Variants in SLC8A1 observed in about 807,000 individuals in gnomAD.
SLC8A1 encodes solute carrier family 8 member A1, also known as sodium/calcium exchanger 1.
SLC8A1 carries 18 observed loss-of-function variants against 68.3 expected under a neutral mutation model. The ratio of observed to expected loss-of-function variants is 0.26; its 90% confidence interval spans 0.18 to 0.39. SLC8A1 has a LOEUF of 0.39. Among genes scored for constraint, SLC8A1 ranks in the 10% least tolerant of loss-of-function variants. The pLI is 1.00. For synonymous variants in SLC8A1, 475 were observed against 415.5 expected, an observed-to-expected ratio of 1.14 and a Z score of -1.74; for missense variants, 985 against 1,156.7, an observed-to-expected ratio of 0.85 and a Z score of 2.15.
rs116180624 is a variant in SLC8A1 at position 40,476,430 on chromosome 2, T to C, written c.-25+35919A>G. Among the ~76,000 whole-genome samples, 515 of 152,322 alleles carry C rather than the reference T, an allele frequency of 3.4e-3. 2 individuals are homozygous for C. The highest frequency in any genetic ancestry group is 0.011 in the African/African-American group (444 of 41,556). ...GAAAGACTGAAAATAAACAAAGATATATTTCTAATGTTAGATACTAATAAA... is the reference window on the plus strand; with the variant it reads ...GAAAGACTGAAAATAAACAAAGATACATTTCTAATGTTAGATACTAATAAA... On this transcript the variant is annotated intron_variant, in intron 1 of 7. Transcript: ENST00000402441.
chr2:40,459,862 A>AAC (rs1238514362), intron 1 of SLC8A1, among the ~76,000 whole-genome samples: 2 of 151,962 alleles, frequency 1.3e-5, no homozygotes, highest in Admixed American at 6.6e-5. Flanking sequence ...TACTATACAC[A>AAC]ACACACACAC....
chr2:40,254,183 T>A (rs1470658803), intron 2 of SLC8A1, among the ~76,000 whole-genome samples: 1 of 114,580 alleles, frequency 8.7e-6, no homozygotes, highest in Admixed American at 1.0e-4. Context: ...AAAATTAATA[T>A]AAAAAAAGAA....
chr2:40,127,106 A>G (rs1040412991), intron 7 of SLC8A1, among the ~76,000 whole-genome samples: 5 of 152,210 alleles, frequency 3.3e-5, no homozygotes, highest in African/African-American at 1.2e-4. Flanking sequence ...ACATTGCTTC[A>G]GAGACTCAGT....
chr2:40,308,529 T>C lies in SLC8A1; in HGVS notation c.1808+119944A>G, dbSNP rs181701743. On this transcript the variant is annotated intron_variant, in intron 2 of 7. Coordinates refer to ENST00000406785, the Ensembl canonical transcript of SLC8A1. ...AGGCAGTAAATGACAGGAAGAAGCT[T>C]GGAAGGTTTTCTCTTAAGTGATGTT... is the stretch of plus-strand genomic sequence containing the variant. 7.2e-5 allele frequency among the ~76,000 whole-genome samples: 11 copies of C among 152,250 alleles called. No individual in the cohort carries two copies. The East Asian group carries it at 1.9e-3, about 27-fold the overall frequency.
chr2:40,282,731 C>G (rs2067705173), intron 2 of SLC8A1, among the ~76,000 whole-genome samples: 2 of 152,090 alleles, frequency 1.3e-5, no homozygotes, highest in African/African-American at 4.8e-5. Flanking sequence ...AGAGTGTCAT[C>G]ATTTTCTCTG....
At chr2:40,217,347 T>C (rs1045772558) in intron 2 of SLC8A1, among the ~76,000 whole-genome samples, 6 of 152,224 alleles carry the variant, frequency 3.9e-5, no homozygotes, top group African/African-American at 1.2e-4. Context: ...CATTGGTTTA[T>C]ATATCTGTTT....
At chr2:40,365,086 T>G (rs1396092137) in intron 2 of SLC8A1, among the ~76,000 whole-genome samples, 1 of 152,082 alleles carries the variant, frequency 6.6e-6, no homozygotes, top group African/African-American at 2.4e-5. Context: ...ACACTGGCCA[T>G]GTTCTCCATG....
At chr2:40,393,479 C>G (rs1332915833) in intron 2 of SLC8A1, among the ~76,000 whole-genome samples, 1 of 152,122 alleles carries the variant, frequency 6.6e-6, no homozygotes, top group Non-Finnish European at 1.5e-5. Flanking sequence ...TCCCTTAGTT[C>G]ACTGTTTCTT....
chr2:40,404,000 T>C (rs1260051793), intron 2 of SLC8A1, among the ~76,000 whole-genome samples: 2 of 152,224 alleles, frequency 1.3e-5, no homozygotes, highest in African/African-American at 4.8e-5. Context: ...GATTTGCAGA[T>C]ACACTGGTAT....
exon 8 of SLC8A1, chr2:40,103,386 C>A (rs2034013579): frequency 6.6e-6 from 1 of 152,120 alleles, no homozygotes; most frequent in Admixed American, 6.6e-5. Context: ...TTTGTGAAAT[C>A]CTTTTGAGTA....
At chr2:40,099,496 A>C (rs947829481) in exon 8 of SLC8A1, 1 of 152,146 alleles carries the variant, frequency 6.6e-6, no homozygotes, top group African/African-American at 2.4e-5. Context: ...AGGATTTCTT[A>C]CTTCATTTTT....
chr2:40,143,895 A>G (rs865996832), intron 6 of SLC8A1, among the ~76,000 whole-genome samples: 4 of 152,190 alleles, frequency 2.6e-5, no homozygotes, highest in African/African-American at 7.2e-5. Flanking sequence ...GTGGGTCAGA[A>G]GACTTAAGCC....
intron 2 of SLC8A1, among the ~76,000 whole-genome samples, chr2:40,326,632 T>G (rs563556820): frequency 6.6e-6 from 1 of 152,284 alleles, no homozygotes; most frequent in Non-Finnish European, 1.5e-5. Context: ...AAGGAAAAGG[T>G]GGTCCCCTTG....
At chr2:40,448,853 C>A (rs186806389) in intron 1 of SLC8A1, among the ~76,000 whole-genome samples, 1 of 152,094 alleles carries the variant, frequency 6.6e-6, no homozygotes, top group East Asian at 1.9e-4. Context: ...GATAAAGGGA[C>A]CAGGAAGAGT....
At chr2:40,248,238 G>C (rs1195265021) in intron 2 of SLC8A1, among the ~76,000 whole-genome samples, 2 of 152,116 alleles carry the variant, frequency 1.3e-5, no homozygotes, top group African/African-American at 4.8e-5. Flanking sequence ...ATTTGAAATT[G>C]ATTTCTAAGT....
intron 2 of SLC8A1, among the ~76,000 whole-genome samples, chr2:40,181,423 A>C (rs2049536918): frequency 6.6e-6 from 1 of 152,238 alleles, no homozygotes; most frequent in South Asian, 2.1e-4. Context: ...TAACTATGAT[A>C]CTGGAAAAAT....
intron 2 of SLC8A1, among the ~76,000 whole-genome samples, chr2:40,263,043 T>C (rs998381335): frequency 3.9e-5 from 6 of 152,242 alleles, no homozygotes; most frequent in Admixed American, 3.3e-4. Context: ...AACTCTAAAA[T>C]GGTTTCATCA....
intron 2 of SLC8A1, among the ~76,000 whole-genome samples, chr2:40,254,116 T>C (rs2063469209): frequency 6.6e-6 from 1 of 152,168 alleles, no homozygotes; most frequent in African/African-American, 2.4e-5. Context: ...TTTATGCATG[T>C]ATCAAAGCAT....
At chr2:40,335,327 G>A (rs1665612951) in intron 2 of SLC8A1, among the ~76,000 whole-genome samples, 1 of 152,152 alleles carries the variant, frequency 6.6e-6, no homozygotes. Context: ...AAAATATGAA[G>A]AAGCACTGAA....
Sources: gnomAD v4.1 joint callset for allele counts (sites outside exome capture counted in the v4.1 genomes callset) on GRCh38, gnomAD v4.1.1 for gene constraint, MANE v1.5 for transcripts, NCBI Gene and HGNC (gene_info 2026-07-23, HGNC 2026-07-21) for gene names.